MUC17: variants seen among roughly 807,000 people sequenced by gnomAD.
The protein encoded by MUC17 is mucin 17, cell surface associated, also known as mucin-17.
Under a neutral mutation model 170.3 loss-of-function variants are expected in MUC17, and 190 were observed. That is an observed-to-expected ratio of 1.12 (90% CI 0.99 to 1.26). The LOEUF (loss-of-function observed/expected upper bound fraction) is 1.26, where lower values mean the gene tolerates loss of function less well. MUC17 is among the 50% of genes most tolerant of loss of function. The pLI is 0.00. For missense variants in MUC17, 6,415 were observed against 5,530.0 expected (o/e 1.16, Z -5.08); for synonymous variants, 2,325 against 2,002.5 (o/e 1.16, Z -4.30).
Position 101,041,774 on chromosome 7 carries a change from C to G in MUC17, c.10358C>G (p.Thr3453Ser), listed in dbSNP as rs141839927. Residue 3453 changes from threonine (T) to serine (S), a missense_variant, in exon 3 of 13, where the codon ACT (threonine) becomes AGT (serine). Physicochemically the swap from Thr to Ser is moderately conservative, Grantham distance 58 (BLOSUM62 1). Coordinates refer to ENST00000306151, the MANE Select transcript of MUC17 (RefSeq NM_001040105.2). The part of the protein sequence containing the change: ...AEGTSLPTST[T>S]SEGSTPLSIM... The stretch of plus-strand genomic sequence containing the variant: ...GGTACCAGCTTGCCAACCTCAACTA[C>G]TAGTGAAGGAAGCACTCCATTATCA... The G allele has an allele frequency of 4.0e-4, 638 of 1,613,540 alleles. 5 individuals carry two copies. In the African/African-American group the frequency reaches 7.4e-3, roughly 19 times the overall value.
In MUC17 at chr7:101,033,129, A is replaced by G. The variant is rs1310903959; in HGVS notation, c.1713A>G (p.Pro571=). Residue 571 remains proline, a synonymous_variant, in exon 3 of 13, where the codon CCA becomes CCG. Coordinates refer to ENST00000306151, the MANE Select transcript of MUC17 (RefSeq NM_001040105.2). ...CAACTCCTAGTGAAGGAAGCACTCCATTAACAAACATGCCTGTCAGCACCA... is the reference window on the plus strand; with the variant it reads ...CAACTCCTAGTGAAGGAAGCACTCCGTTAACAAACATGCCTGTCAGCACCA... ...PTSTPSEGST[P]LTNMPVSTRL... 2 of 1,612,044 alleles carry G rather than the reference A, an allele frequency of 1.2e-6. No homozygotes were observed. The highest frequency in any genetic ancestry group is 2.7e-5 in the African/African-American group (2 of 74,850).
In MUC17 at chr7:101,056,244, T is replaced by G; in HGVS notation, c.13414T>G (p.Leu4472Val). The G allele has an allele frequency of 6.2e-7, 1 of 1,613,968 alleles. No individual in the cohort carries two copies. The highest frequency in any genetic ancestry group is 8.5e-7 in the Non-Finnish European group (1 of 1,179,910). The change falls in exon 12 of 13, where the codon TTG (leucine) becomes GTG (valine). Residue 4472 changes from leucine (L) to valine (V), a missense_variant. Leu to Val is a conservative substitution (Grantham distance 32). Coordinates refer to ENST00000306151, the MANE Select transcript of MUC17 (RefSeq NM_001040105.2). ...ESIYSNFQPSLRHIDPETKIR... is the reference protein window; with the variant it reads ...ESIYSNFQPSVRHIDPETKIR... ...CATCTATAGTAATTTCCAGCCCTCC[T>G]TGAGACACATAGACCCTGAAACAAA...
Position 101,051,834 on chromosome 7 carries a change from A to C in MUC17, c.12975A>C (p.Gly4325=). The stretch of plus-strand genomic sequence containing the variant: ...GCCGGAAGATGGCCAAGGAATATGG[A>C]GACTACTTCGTAGTGGAGTACCGGG... ...EDCRKMAKEY[G]DYFVVEYRDQ... The change falls in exon 9 of 13, where the codon GGA becomes GGC. Residue 4325 remains glycine, a synonymous_variant. Coordinates refer to ENST00000306151, the MANE Select transcript of MUC17 (RefSeq NM_001040105.2). The C allele has an allele frequency of 6.2e-7, 1 of 1,614,128 alleles. No individual in the cohort carries two copies. The highest frequency in any genetic ancestry group is 8.5e-7 in the Non-Finnish European group (1 of 1,179,980).
chr7:101,040,298 C>G lies in MUC17; in HGVS notation c.8882C>G (p.Thr2961Ser), dbSNP rs1339142297. 6.2e-7 allele frequency: 1 copy of G among 1,611,962 alleles called. No homozygotes were observed. Among genetic ancestry groups the G allele is most frequent in the African/African-American group, 1.3e-5 (1 of 74,956 alleles). The part of the protein sequence containing the change: ...TPVDTRTPVT[T>S]SAEASSSPTT... ...GTTGACACCAGGACACCTGTCACCA[C>G]TTCTGCTGAAGCTAGTTCTTCTCCT... Residue 2961 changes from threonine to serine, a missense_variant, in exon 3 of 13, where the codon ACT becomes AGT. Coordinates refer to ENST00000306151, the MANE Select transcript of MUC17 (RefSeq NM_001040105.2).
Position 101,033,633 on chromosome 7 carries a change from C to A in MUC17, c.2217C>A (p.Thr739=). 1 of 1,613,726 alleles carries A rather than the reference C, an allele frequency of 6.2e-7. No homozygotes were observed. Among genetic ancestry groups the A allele is most frequent in the Non-Finnish European group, 8.5e-7 (1 of 1,179,918 alleles). ...PTTADGASMP[T]STPSEGSTPL... is the part of the protein sequence containing the mutation. Reference sequence around the variant, plus strand: ...CTGCTGATGGTGCCAGTATGCCAACCTCAACTCCTAGTGAAGGAAGCACTC... The same window carrying A: ...CTGCTGATGGTGCCAGTATGCCAACATCAACTCCTAGTGAAGGAAGCACTC... The change falls in exon 3 of 13, where the codon ACC becomes ACA. Residue 739 remains threonine (T), a synonymous_variant. Coordinates refer to ENST00000306151, the MANE Select transcript of MUC17 (RefSeq NM_001040105.2).
chr7:101,037,800 C>T lies in MUC17; in HGVS notation c.6384C>T (p.Asp2128=), dbSNP rs1455052166. Residue 2128 remains aspartate (D), a synonymous_variant, in exon 3 of 13, where the codon GAC becomes GAT. Transcript: ENST00000306151. The stretch of plus-strand genomic sequence containing the variant: ...GCACCCTTTCAACAACTCCTGTTGA[C>T]TCCAACAGTCCTGTGATCACTTCTA... ...EASTLSTTPV[D]SNSPVITSTE... 4.3e-6 allele frequency: 7 copies of T among 1,612,984 alleles called. No homozygotes were observed. The East Asian group carries it at 6.7e-5, about 15-fold the overall frequency.
Position 101,051,903 on chromosome 7 carries a change from T to C in MUC17, c.13044T>C (p.Ser4348=). Residue 4348 remains serine (S), a synonymous_variant, in exon 9 of 13, where the codon AGT becomes AGC. Coordinates refer to ENST00000306151, the MANE Select transcript of MUC17 (RefSeq NM_001040105.2). ...YCISPCEPGF[S]VSKNCNLGKC... is the part of the protein sequence containing the mutation. Reference sequence around the variant, plus strand: ...TCAGCCCCTGTGAGCCTGGCTTCAGTGTCTCCAAGAACTGTAACCTCGGCA... The same window carrying C: ...TCAGCCCCTGTGAGCCTGGCTTCAGCGTCTCCAAGAACTGTAACCTCGGCA... 1.2e-6 allele frequency: 2 copies of C among 1,614,206 alleles called. No homozygotes were observed. The highest frequency in any genetic ancestry group is 1.7e-6 in the Non-Finnish European group (2 of 1,180,022).
intron 7 of MUC17, among the ~76,000 whole-genome samples, chr7:101,051,181 C>T (rs143965554): frequency 3.3e-5 from 5 of 151,854 alleles, no homozygotes; most frequent in Non-Finnish European, 5.9e-5. Context: ...GCCTGGTCAA[C>T]GTGGTGAAAC....
chr7:101,023,932 G>A (rs1030421787), intron 1 of MUC17, among the ~76,000 whole-genome samples: 4 of 151,618 alleles, frequency 2.6e-5, no homozygotes, highest in Non-Finnish European at 5.9e-5. Flanking sequence ...CACTGTGACT[G>A]GGATATATTC....
rs1322563822 is a variant in MUC17, at chr7:101,038,843, T to C, written c.7427T>C (p.Leu2476Pro). 1.2e-6 allele frequency: 2 copies of C among 1,610,114 alleles called. No individual in the cohort carries two copies. Among genetic ancestry groups the C allele is most frequent in the Non-Finnish European group, 1.7e-6 (2 of 1,178,696 alleles). ...TPVVSSEAGT[L>P]STTPVDTSTP... Reference sequence around the variant, plus strand: ...GTGGTCAGTTCTGAGGCTGGCACCCTTTCCACAACTCCTGTTGACACCAGC... The same window carrying C: ...GTGGTCAGTTCTGAGGCTGGCACCCCTTCCACAACTCCTGTTGACACCAGC... The change falls in exon 3 of 13, where the codon CTT (leucine) becomes CCT (proline). Residue 2476 changes from leucine to proline, a missense_variant. By Grantham distance (98) the Leu-to-Pro change is moderately conservative (BLOSUM62 -3). Coordinates refer to ENST00000306151, the MANE Select transcript of MUC17 (RefSeq NM_001040105.2).
rs748611024 is a variant in MUC17 at position 101,033,124 on chromosome 7, A to T, written c.1708A>T (p.Thr570Ser). ...IPTSTPSEGS[T>S]PLTNMPVSTR... Reference sequence around the variant, plus strand: ...AACCTCAACTCCTAGTGAAGGAAGCACTCCATTAACAAACATGCCTGTCAG... The same window carrying T: ...AACCTCAACTCCTAGTGAAGGAAGCTCTCCATTAACAAACATGCCTGTCAG... The change falls in exon 3 of 13, where the codon ACT (threonine) becomes TCT (serine). Residue 570 changes from threonine (T) to serine (S), a missense_variant. Thr to Ser is a moderately conservative substitution (Grantham distance 58). Transcript: ENST00000306151. 6 of 1,611,582 alleles carry T rather than the reference A, an allele frequency of 3.7e-6. No homozygotes were observed. The highest frequency in any genetic ancestry group is 1.7e-6 in the Non-Finnish European group (2 of 1,178,666).
Position 101,032,670 on chromosome 7 carries a change from T to C in MUC17, c.1254T>C (p.Val418=). ...SEASTTSTIP[V]DSKTFVTTAS... is the part of the protein sequence containing the mutation. ...CTAGCACCACTTCAACAATTCCTGT[T>C]GACTCCAAAACTTTTGTGACCACTG... Residue 418 remains valine (V), a synonymous_variant, in exon 3 of 13, where the codon GTT becomes GTC. Transcript: ENST00000306151. 6.4e-7 allele frequency: 1 copy of C among 1,573,978 alleles called. No homozygotes were observed. Among genetic ancestry groups the C allele is most frequent in the African/African-American group, 1.3e-5 (1 of 74,286 alleles).
At chr7:101,049,038 G>A in intron 5 of MUC17, 66 bp downstream of exon 5, 1 of 1,607,760 alleles carries the variant, frequency 6.2e-7, no homozygotes, top group Non-Finnish European at 8.5e-7. Flanking sequence ...TGTAGGGTAA[G>A]AAGGTAGCTG....
rs1220022706 is a variant in MUC17 at position 101,042,599 on chromosome 7, C to G, written c.11183C>G (p.Ser3728Cys). The G allele has an allele frequency of 1.9e-6, 3 of 1,614,048 alleles. No homozygotes were observed. The Admixed American group carries it at 5.0e-5, about 27-fold the overall frequency. Residue 3728 changes from serine (S) to cysteine (C), a missense_variant, in exon 3 of 13, where the codon TCT (serine) becomes TGT (cysteine). By Grantham distance (112) the Ser-to-Cys change is moderately radical (BLOSUM62 -1). Transcript: ENST00000306151. ...SVVTSTPVTT[S>C]TEAISSSATL... ...GTCACCAGCACACCTGTGACCACTT[C>G]TACTGAAGCCATTTCATCTTCTGCA...
At position 101,051,844 on chromosome 7, in the gene MUC17, G is replaced by C; in HGVS notation, c.12985G>C (p.Val4329Leu). 1 of 1,614,202 alleles carries C rather than the reference G, an allele frequency of 6.2e-7. No individual in the cohort carries two copies. Among genetic ancestry groups the C allele is most frequent in the East Asian group, 2.2e-5 (1 of 44,888 alleles). Residue 4329 changes from valine (V) to leucine (L), a missense_variant, in exon 9 of 13, where the codon GTA (valine) becomes CTA (leucine). Physicochemically the swap from Val to Leu is conservative, Grantham distance 32. Transcript: ENST00000306151. ...GGCCAAGGAATATGGAGACTACTTC[G>C]TAGTGGAGTACCGGGACCAGAAGCC... The part of the protein sequence containing the change: ...KMAKEYGDYF[V>L]VEYRDQKPYC...
chr7:101,027,619 G>C (rs1486674224), intron 1 of MUC17, among the ~76,000 whole-genome samples: 1 of 152,076 alleles, frequency 6.6e-6, no homozygotes, highest in African/African-American at 2.4e-5. Context: ...ATTTTTTGGA[G>C]CTGTGGGCTT....
In MUC17 at chr7:101,040,517, C is replaced by T. The variant is rs200745412; in HGVS notation, c.9101C>T (p.Thr3034Ile). ...ASSSPTTAEGTGIPISTPSEG... is the reference protein window; with the variant it reads ...ASSSPTTAEGIGIPISTPSEG... ...TCCTCTCCTACAACTGCTGAAGGTA[C>T]CGGCATACCAATCTCAACTCCTAGT... The change falls in exon 3 of 13, where the codon ACC becomes ATC. Residue 3034 changes from threonine (T) to isoleucine (I), a missense_variant. Physicochemically the swap from Thr to Ile is moderately conservative, Grantham distance 89. Transcript: ENST00000306151. 56 of 1,611,244 alleles carry T rather than the reference C, an allele frequency of 3.5e-5. No homozygotes were observed. Among genetic ancestry groups the T allele is most frequent in the Non-Finnish European group, 4.3e-5 (51 of 1,178,976 alleles).
In MUC17 at chr7:101,037,169, C is replaced by A; in HGVS notation, c.5753C>A (p.Thr1918Asn). 4 of 1,612,582 alleles carry A rather than the reference C, an allele frequency of 2.5e-6. No homozygotes were observed. The highest frequency in any genetic ancestry group is 3.4e-6 in the Non-Finnish European group (4 of 1,179,716). The change falls in exon 3 of 13, where the codon ACC becomes AAC. Residue 1918 changes from threonine to asparagine, a missense_variant. Thr to Asn is a moderately conservative substitution (Grantham distance 65). Transcript: ENST00000306151. ...PTTADGSSMP[T>N]STPREGRPPL... ...ACTGCTGACGGTAGCAGCATGCCAACCTCAACTCCTAGGGAAGGAAGGCCT... is the reference window on the plus strand; with the variant it reads ...ACTGCTGACGGTAGCAGCATGCCAAACTCAACTCCTAGGGAAGGAAGGCCT...
Position 101,034,576 on chromosome 7 carries a change from G to C in MUC17, c.3160G>C (p.Val1054Leu), listed in dbSNP as rs767490986. 1 of 1,607,350 alleles carries C rather than the reference G, an allele frequency of 6.2e-7. No individual in the cohort carries two copies. The highest frequency in any genetic ancestry group is 1.3e-5 in the African/African-American group (1 of 74,806). ...ACGTATGCCTGTCAGCACCACAATG[G>C]TGGCCAGTTCTGAAACGAGCACACT... ...LTRMPVSTTMVASSETSTLST... is the reference protein window; with the variant it reads ...LTRMPVSTTMLASSETSTLST... Residue 1054 changes from valine to leucine, a missense_variant, in exon 3 of 13, where the codon GTG (valine) becomes CTG (leucine). Physicochemically the swap from Val to Leu is conservative, Grantham distance 32. Transcript: ENST00000306151.
Sources: gnomAD v4.1 joint callset for allele counts (sites outside exome capture counted in the v4.1 genomes callset) on GRCh38, gnomAD v4.1.1 for gene constraint, MANE v1.5 for transcripts, NCBI Gene and HGNC (gene_info 2026-07-23, HGNC 2026-07-21) for gene names.